Variants in RPS6KA2 observed in about 807,000 individuals in gnomAD.
RPS6KA2 encodes the protein ribosomal protein S6 kinase alpha-2.
Under a neutral mutation model 91.8 loss-of-function variants are expected in RPS6KA2, and 42 were observed. The observed-to-expected ratio is 0.46, with a 90% CI of 0.36 to 0.59. The LOEUF is 0.59. RPS6KA2 is among the 20% of genes least tolerant of loss of function. RPS6KA2 has a pLI of 0.00. For missense variants in RPS6KA2, 798 were observed against 978.5 expected (o/e 0.82, Z 2.46); for synonymous variants, 414 against 393.6 (o/e 1.05, Z -0.61).
chr6:166,647,391 T>A (rs1462886132), intron 2 of RPS6KA2, among the ~76,000 whole-genome samples: 1 of 152,148 alleles, frequency 6.6e-6, no homozygotes, highest in African/African-American at 2.4e-5. Flanking sequence ...TTAGTGCAGT[T>A]CTCTGCTGGT....
rs73788015 is a variant in RPS6KA2 at position 166,525,012 on chromosome 6, A to G, written c.298+6220T>C. On this transcript the variant is annotated intron_variant, in intron 3 of 20. Transcript: ENST00000265678. ...TCCCAGAGGGGTCCGAGGCATCAGC[A>G]TCTTGTGAAAGTCCCCCAGGCCATT... is the stretch of plus-strand genomic sequence containing the variant. Among the ~76,000 whole-genome samples, 85 of 152,302 alleles carry G rather than the reference A, an allele frequency of 5.6e-4. No homozygotes were observed. The Middle Eastern group carries it at 0.01, about 18-fold the overall frequency.
intron 19 of RPS6KA2, among the ~76,000 whole-genome samples, chr6:166,417,648 C>T (rs1411526428): frequency 6.6e-6 from 1 of 152,070 alleles, no homozygotes; most frequent in African/African-American, 2.4e-5. Context: ...CACACACACA[C>T]ACACGCACGC....
intron 14 of RPS6KA2, among the ~76,000 whole-genome samples, chr6:166,440,834 CG>C (rs1779496864): frequency 6.6e-6 from 1 of 152,178 alleles, no homozygotes; most frequent in African/African-American, 2.4e-5. Flanking sequence ...AAAGTTATCT[CG>C]GGGCAAACGC....
chr6:166,492,060 TTATGA>T (rs1375760830), intron 8 of RPS6KA2, among the ~76,000 whole-genome samples: 5 of 152,206 alleles, frequency 3.3e-5, no homozygotes. Context: ...AGATTTATTC[TTATGA>T]TAGGCTGCTA....
chr6:166,439,081 A>AT (rs1348210288), intron 14 of RPS6KA2, among the ~76,000 whole-genome samples: 3 of 143,282 alleles, frequency 2.1e-5, no homozygotes, highest in Admixed American at 7.4e-5. Context: ...CCTGATTCAT[A>AT]TTTTTTCTTG....
rs897835959 is a variant in RPS6KA2 at position 166,435,541 on chromosome 6, G to A, written c.1333-3051C>T. On this transcript the variant is annotated intron_variant, in intron 14 of 20. Transcript: ENST00000265678. The surrounding 1 kb of genome is among the most constrained non-coding windows in gnomAD (Gnocchi z 4.3). ...ACCAAACACCACACACCAGCTGTTC[G>A]CTGAGGTGGCATTTGGGGAAATGGA... Among the ~76,000 whole-genome samples, 1 of 152,236 alleles carries A rather than the reference G, an allele frequency of 6.6e-6. No homozygotes were observed. Among genetic ancestry groups the A allele is most frequent in the African/African-American group, 2.4e-5 (1 of 41,464 alleles).
intron 2 of RPS6KA2, among the ~76,000 whole-genome samples, chr6:166,782,473 A>T (rs1367682927): frequency 7.2e-5 from 11 of 152,140 alleles, no homozygotes; most frequent in African/African-American, 2.7e-4. Context: ...ACACCCATGC[A>T]CCAGACTCTT....
chr6:166,620,555 A>G (rs1786587395), intron 1 of RPS6KA2, among the ~76,000 whole-genome samples: 1 of 152,228 alleles, frequency 6.6e-6, no homozygotes. Context: ...AACCTAGGAA[A>G]AGCTAGTTTC....
intron 2 of RPS6KA2, among the ~76,000 whole-genome samples, chr6:166,651,265 T>G (rs538919305): frequency 5.3e-4 from 80 of 152,350 alleles, no homozygotes; most frequent in Admixed American, 5.2e-3. Context: ...CTGCAAGCAT[T>G]TGTACAATTC....
intron 2 of RPS6KA2, among the ~76,000 whole-genome samples, chr6:166,676,281 C>A (rs1051914315): frequency 1.3e-5 from 2 of 149,840 alleles, no homozygotes; most frequent in Admixed American, 6.7e-5. Flanking sequence ...CATGCCACTG[C>A]ACTCCAGCCT....
intron 14 of RPS6KA2, among the ~76,000 whole-genome samples, chr6:166,438,695 G>C (rs3778434): frequency 0.49 from 74,955 of 152,114 alleles, 19,197 homozygotes; most frequent in Non-Finnish European, 0.58. Context: ...GAACAGGCAC[G>C]TATATTGGTA....
At chr6:166,491,909 A>G (rs1348728946) in intron 8 of RPS6KA2, among the ~76,000 whole-genome samples, 1 of 152,216 alleles carries the variant, frequency 6.6e-6, no homozygotes, top group African/African-American at 2.4e-5. Context: ...TTCAATGGTT[A>G]TGATGAAATC....
intron 2 of RPS6KA2, among the ~76,000 whole-genome samples, chr6:166,714,412 T>C (rs781486418): frequency 6.6e-6 from 1 of 152,182 alleles, no homozygotes; most frequent in Non-Finnish European, 1.5e-5. Flanking sequence ...TTCCTTATGG[T>C]TGAATTGTAT....
rs1787338545 is a variant in RPS6KA2 at position 166,639,029 on chromosome 6, G to A, written c.124-100245C>T. ...CTGTTCTCACCAGGTCGTCACCTATGCAAACAGCAATTTCATGCAGTTAAA... is the reference window on the plus strand; with the variant it reads ...CTGTTCTCACCAGGTCGTCACCTATACAAACAGCAATTTCATGCAGTTAAA... On this transcript the variant is annotated intron_variant, in intron 2 of 21. Coordinates refer to the RPS6KA2 transcript ENST00000503859. This position sits in a 1 kb window ranked among gnomAD's most constrained non-coding sequence, Gnocchi z 4.2. 6.6e-6 allele frequency among the ~76,000 whole-genome samples: 1 copy of A among 152,210 alleles called. No individual in the cohort carries two copies. Among genetic ancestry groups the A allele is most frequent in the Non-Finnish European group, 1.5e-5 (1 of 68,046 alleles).
At chr6:166,774,638 C>T (rs927329562) in intron 2 of RPS6KA2, among the ~76,000 whole-genome samples, 8 of 152,128 alleles carry the variant, frequency 5.3e-5, no homozygotes, top group African/African-American at 1.9e-4. Context: ...CTCCTCAGCC[C>T]CAATTTCCCT....
intron 1 of RPS6KA2, among the ~76,000 whole-genome samples, chr6:166,544,123 C>T (rs768590036): frequency 3.0e-4 from 46 of 152,322 alleles, no homozygotes; most frequent in Middle Eastern, 3.4e-3. Context: ...TTGGCCTCTG[C>T]GTATTCCTTA....
intron 17 of RPS6KA2, 52 bp from the exon 18 acceptor site, chr6:166,420,010 T>C: frequency 3.9e-6 from 6 of 1,541,590 alleles, no homozygotes; most frequent in South Asian, 1.1e-5. Context: ...GACATTCAGA[T>C]TGACAGCACG....
chr6:166,735,786 C>T (rs775768628), intron 2 of RPS6KA2, among the ~76,000 whole-genome samples: 2 of 152,186 alleles, frequency 1.3e-5, no homozygotes, highest in Non-Finnish European at 2.9e-5. Context: ...AAGCTTCGCT[C>T]ACTCACCTGC....
At chr6:166,620,930 C>T (rs571253115) in intron 1 of RPS6KA2, among the ~76,000 whole-genome samples, 43 of 152,260 alleles carry the variant, frequency 2.8e-4, no homozygotes, top group African/African-American at 8.2e-4. Flanking sequence ...GCACTTCCCA[C>T]GGCAGGAGAC....
Sources: allele counts gnomAD v4.1 joint callset (sites outside exome capture counted in the v4.1 genomes callset), GRCh38; gene constraint gnomAD v4.1.1; non-coding constraint Gnocchi (gnomAD v3.1); transcripts MANE v1.5; gene names NCBI Gene and HGNC (gene_info 2026-07-23, HGNC 2026-07-21).